SPO11: variants seen among roughly 807,000 people sequenced by gnomAD.
SPO11 encodes the protein SPO11 initiator of meiotic double strand breaks, also known as meiotic recombination protein SPO11.
A neutral mutation model predicts 51.6 loss-of-function variants in SPO11; 49 were observed. That is an observed-to-expected ratio of 0.95 (90% CI 0.75 to 1.20). The LOEUF (loss-of-function observed/expected upper bound fraction) is 1.20. SPO11 is among the 50% of genes most tolerant of loss of function. The probability of loss-of-function intolerance (pLI) is 0.00; values close to 1 mark genes in which losing one functional copy is unlikely to be tolerated. For synonymous variants in SPO11, 176 were observed against 158.2 expected (o/e 1.11, Z -0.84); for missense variants, 431 against 473.4 (o/e 0.91, Z 0.83).
chr20:57,335,493 A>G, intron 7 of SPO11, 38 bp downstream of exon 7: 8 of 1,577,142 alleles, frequency 5.1e-6, no homozygotes, highest in Non-Finnish European at 6.9e-6. Context: ...AACTTTTGGA[A>G]TGTTCATTCA....
rs766997603 is a variant in SPO11, at chr20:57,329,931, T to C, written c.64T>C (p.Ser22Pro). ...FFDVLDRHRE[S>P]LLAALRRGGR... Reference sequence around the variant, plus strand: ...CGACGTTTTGGACCGACACAGGGAGTCCCTGCTGGCTGCCCTGAGGAGAGG... The same window carrying C: ...CGACGTTTTGGACCGACACAGGGAGCCCCTGCTGGCTGCCCTGAGGAGAGG... Residue 22 changes from serine to proline, a missense_variant, in exon 1 of 13, where the codon TCC (serine) becomes CCC (proline). Coordinates refer to ENST00000371263, the MANE Select transcript of SPO11 (RefSeq NM_012444.3). 8.1e-6 allele frequency: 13 copies of C among 1,613,564 alleles called. No individual in the cohort carries two copies. Among genetic ancestry groups the C allele is most frequent in the Non-Finnish European group, 1.1e-5 (13 of 1,179,834 alleles).
rs559712778 is a variant in SPO11 at position 57,330,208 on chromosome 20, C to A, written c.131+210C>A. Among the ~76,000 whole-genome samples the A allele has an allele frequency of 5.9e-5, 9 of 152,274 alleles. No homozygotes were observed. The South Asian group carries it at 1.7e-3, about 28-fold the overall frequency. ...AAAAAGAAAGCCAGGTGGCAGCCCC[C>A]CTTCTGTGGCTTCTAGGATGTTCCC... On this transcript the variant is annotated intron_variant, in intron 1 of 12. Transcript: ENST00000371263.
Position 57,334,051 on chromosome 20 carries a change from G to T in SPO11, c.466G>T (p.Asp156Tyr). ...GACTGTCGTCGACAATATTATCAAT[G>T]ACATTTCTTGCATGTTAAAAGTGTC... Reference protein sequence around the residue: ...NQTVVDNIINDISCMLKVSRR... With the variant: ...NQTVVDNIINYISCMLKVSRR... Residue 156 changes from aspartate to tyrosine, a missense_variant, in exon 5 of 13, where the codon GAC becomes TAC. Transcript: ENST00000371263. The T allele has an allele frequency of 1.9e-6, 3 of 1,590,464 alleles. No homozygotes were observed. The South Asian group carries it at 3.5e-5, about 18-fold the overall frequency.
intron 8 of SPO11, among the ~76,000 whole-genome samples, chr20:57,336,132 C>T (rs2066510119): frequency 6.6e-6 from 1 of 151,972 alleles, no homozygotes. Flanking sequence ...CTCTGTTGCC[C>T]AGGCCGAAGT....
intron 11 of SPO11, among the ~76,000 whole-genome samples, chr20:57,342,479 C>T (rs575695367): frequency 2.4e-4 from 36 of 152,260 alleles, no homozygotes; most frequent in African/African-American, 8.2e-4. Context: ...CATCATCCCA[C>T]GAGTGTGACA....
chr20:57,338,943 G>T, intron 9 of SPO11, 46 bp from the exon 10 acceptor site: 1 of 1,254,742 alleles, frequency 8.0e-7, no homozygotes, highest in South Asian at 1.4e-5. Flanking sequence ...AAATTAACCT[G>T]TAATATGTAA....
intron 9 of SPO11, 36 bp from the exon 10 acceptor site, chr20:57,338,953 A>T: frequency 7.4e-7 from 1 of 1,352,366 alleles, no homozygotes; most frequent in South Asian, 1.3e-5. Flanking sequence ...GTAATATGTA[A>T]GGAGACTAAT....
In SPO11 at chr20:57,329,825, C is replaced by CTAGG; in HGVS notation, c.-42_-39dup. ...CGCAGCCACGCCCCAAGGGCGCAGC[C>CTAGG]TAGGACAGGGGCTTCTGGAGCTTCT... On this transcript the variant is annotated 5_prime_UTR_variant, in exon 1 of 13. Coordinates refer to ENST00000371263, the MANE Select transcript of SPO11 (RefSeq NM_012444.3). The CTAGG allele has an allele frequency of 6.3e-7, 1 of 1,592,082 alleles. No homozygotes were observed. The highest frequency in any genetic ancestry group is 8.6e-7 in the Non-Finnish European group (1 of 1,167,866).
rs1371983175 is a variant in SPO11, at chr20:57,343,460, AAAAT to A, written c.*5_*8del. ...AATTAAAATTTGGAGGATGGATATA[AAAAT>A]AAATCAGAAGAACTTCTGATTGCCA... On this transcript the variant is annotated 3_prime_UTR_variant, in exon 13 of 13. Coordinates refer to ENST00000371263, the MANE Select transcript of SPO11 (RefSeq NM_012444.3). 3 of 1,589,078 alleles carry A rather than the reference AAAAT, an allele frequency of 1.9e-6. No homozygotes were observed. The South Asian group carries it at 3.5e-5, about 19-fold the overall frequency.
In SPO11 at chr20:57,342,835, AAAG is replaced by A. The variant is rs1160842776; in HGVS notation, c.1070_1071+1del. On this transcript the variant is annotated inframe_deletion and splice_region_variant, in exon 12 of 13. Transcript: ENST00000371263. ...TGTTACCTGCCAACCATTTTGGAGA[AAAG>A]AAGTATGTTTCCTTTTACAACTCAA... 1.9e-6 allele frequency: 3 copies of A among 1,607,102 alleles called. No individual in the cohort carries two copies. The highest frequency in any genetic ancestry group is 2.6e-6 in the Non-Finnish European group (3 of 1,174,550).
rs767089680 is a variant in SPO11 at position 57,329,982 on chromosome 20, A to T, written c.115A>T (p.Ser39Cys). ...TGGCAGGGAGCCCCCAACTGGGGGA[A>T]GCCGCCTGGCCTCCAGGTACAGGAG... Reference protein sequence around the residue: ...RGGREPPTGGSRLASSSEVLA... With the variant: ...RGGREPPTGGCRLASSSEVLA... The change falls in exon 1 of 13, where the codon AGC becomes TGC. Residue 39 changes from serine (S) to cysteine (C), a missense_variant. Ser to Cys is a moderately radical substitution (Grantham distance 112). Around this residue, in one of 3 missense-constraint regions of SPO11, gnomAD observed 405 missense variants for 425.9 expected, o/e 0.95. Coordinates refer to ENST00000371263, the MANE Select transcript of SPO11 (RefSeq NM_012444.3). 4 of 1,603,992 alleles carry T rather than the reference A, an allele frequency of 2.5e-6. No homozygotes were observed. The highest frequency in any genetic ancestry group is 3.4e-6 in the Non-Finnish European group (4 of 1,176,494).
chr20:57,341,977 C>A (rs2066587650), intron 11 of SPO11, among the ~76,000 whole-genome samples: 1 of 152,216 alleles, frequency 6.6e-6, no homozygotes, highest in Admixed American at 6.5e-5. Flanking sequence ...TATCCAAGAA[C>A]TGCCCCTGGC....
Position 57,330,074 on chromosome 20 carries a change from C to A in SPO11, c.131+76C>A. The A allele has an allele frequency of 2.0e-6, 3 of 1,475,618 alleles. No homozygotes were observed. In the African/African-American group the frequency reaches 4.2e-5, roughly 21 times the overall value. The allele number at this position is 1,475,618 out of a possible 1,614,324, so 91.4% of individuals were successfully genotyped here. ...GGCGCTCTTCCTGGCCCCGGGCTGC[C>A]TCCTAGTGTTGAGGCTGAGGAGGCA... On this transcript the variant is annotated intron_variant, in intron 1 of 12. Coordinates refer to ENST00000371263, the MANE Select transcript of SPO11 (RefSeq NM_012444.3).
chr20:57,330,055 C>T lies in SPO11; in HGVS notation c.131+57C>T, dbSNP rs143528288. On this transcript the variant is annotated intron_variant, in intron 1 of 12. Coordinates refer to ENST00000371263, the MANE Select transcript of SPO11 (RefSeq NM_012444.3). ...CCACTCTGTAGAAAAGTCGGGCGCT[C>T]TTCCTGGCCCCGGGCTGCCTCCTAG... The T allele has an allele frequency of 2.7e-4, 413 of 1,503,306 alleles. 2 individuals carry two copies. The African/African-American group carries it at 5.3e-3, about 19-fold the overall frequency. 93.1% of individuals were successfully genotyped at this position (1,503,306 alleles called of 1,614,324 possible). A position where few individuals can be genotyped will look rare whatever the true frequency, so the allele number is the denominator to read the frequency against.
rs28368071 is a variant in SPO11 at position 57,331,257 on chromosome 20, C to A, written c.132-576C>A. Among the ~76,000 whole-genome samples the A allele has an allele frequency of 1.5e-3, 224 of 152,304 alleles. 1 individual carries two copies. The East Asian group carries it at 0.03, about 20-fold the overall frequency. ...TTTGTTGCAGAACTCACAATTTATT[C>A]TTTCCAGGGTAGTGATTAAACGTTT... On this transcript the variant is annotated intron_variant, in intron 1 of 12. Coordinates refer to ENST00000371263, the MANE Select transcript of SPO11 (RefSeq NM_012444.3).
Position 57,329,882 on chromosome 20 carries a change from T to C in SPO11, c.15T>C (p.Pro5=). 1 of 1,613,672 alleles carries C rather than the reference T, an allele frequency of 6.2e-7. No homozygotes were observed. Residue 5 remains proline, a synonymous_variant, in exon 1 of 13, where the codon CCT becomes CCC. Transcript: ENST00000371263. ...CGTCTGCCCTCATGGCCTTTGCACC[T>C]ATGGGGCCCGAGGCCTCGTTCTTCG... MAFA[P]MGPEASFFDV...
intron 8 of SPO11, chr20:57,337,900 A>T: frequency 1.8e-6 from 1 of 541,584 alleles, no homozygotes; most frequent in Non-Finnish European, 2.8e-6. Context: ...TATTATTATG[A>T]TTTTGAGGTG....
intron 11 of SPO11, among the ~76,000 whole-genome samples, chr20:57,340,608 G>T (rs953896079): frequency 6.6e-6 from 1 of 152,008 alleles, no homozygotes; most frequent in Non-Finnish European, 1.5e-5. Flanking sequence ...TACTAAAAAT[G>T]CAAACATTAG....
At chr20:57,341,452 T>G (rs2066581101) in intron 11 of SPO11, among the ~76,000 whole-genome samples, 1 of 152,248 alleles carries the variant, frequency 6.6e-6, no homozygotes, top group South Asian at 2.1e-4. Flanking sequence ...AACATTTTTT[T>G]TCACCTCTGC....
Sources: gnomAD v4.1 joint callset for allele counts (sites outside exome capture counted in the v4.1 genomes callset) on GRCh38, gnomAD v4.1.1 for gene constraint, gnomAD v4.1.1 regional missense constraint, MANE v1.5 for transcripts, NCBI Gene and HGNC (gene_info 2026-07-23, HGNC 2026-07-21) for gene names.